PSMG1: variants seen among roughly 807,000 people sequenced by gnomAD.
PSMG1 encodes Down syndrome critical region gene 2.
A neutral mutation model predicts 37.2 loss-of-function variants in PSMG1; 23 were observed. The observed-to-expected ratio is 0.62, with a 90% confidence interval of 0.44 to 0.88. The LOEUF is 0.88. PSMG1 is among the 40% of genes least tolerant of loss of function. The pLI, the probability that PSMG1 is intolerant of heterozygous loss-of-function variation, is 0.00. For missense variants in PSMG1, 340 were observed against 344.2 expected, an observed-to-expected ratio of 0.99 and a Z score of 0.10; for synonymous variants, 127 against 128.0, an observed-to-expected ratio of 0.99 and a Z score of 0.05.
rs1396028454 is a variant in PSMG1 at position 39,177,661 on chromosome 21, A to C, written c.656-90T>G. On this transcript the variant is annotated intron_variant, in intron 5 of 6. Coordinates refer to ENST00000331573, the MANE Select transcript of PSMG1 (RefSeq NM_003720.4). ...CTTTAAATAATAAAGGCTGTTGTTA[A>C]AAGTAGTTATCTCAGCTGCCTCTTT... 3 of 1,051,928 alleles carry C rather than the reference A, an allele frequency of 2.9e-6. No individual in the cohort carries two copies. In the East Asian group the frequency reaches 9.3e-5, roughly 32 times the overall value. The allele number at this position is 1,051,928 out of a possible 1,614,324, so 65.2% of individuals were successfully genotyped here.
chr21:39,178,470 C>T lies in PSMG1; in HGVS notation c.634G>A (p.Val212Ile), dbSNP rs200756272. 50 of 1,613,586 alleles carry T rather than the reference C, an allele frequency of 3.1e-5. No homozygotes were observed. The African/African-American group carries it at 6.1e-4, about 20-fold the overall frequency. The change falls in exon 5 of 7, where the codon GTA becomes ATA. Residue 212 changes from valine (V) to isoleucine (I), a missense_variant. Coordinates refer to ENST00000331573, the MANE Select transcript of PSMG1 (RefSeq NM_003720.4). ...CCPLLEQPNI[V>I]HDLPAAVLSY... is the part of the protein sequence containing the mutation. ...CCACCTGCTGCAGGAAGGTCGTGTACTATATTCGGTTGTTCTAGCAATGGA... is the reference window on the plus strand; with the variant it reads ...CCACCTGCTGCAGGAAGGTCGTGTATTATATTCGGTTGTTCTAGCAATGGA...
Position 39,183,018 on chromosome 21 carries a change from T to G in PSMG1, c.134+234A>C, listed in dbSNP as rs545912313. On this transcript the variant is annotated intron_variant, in intron 1 of 6. Transcript: ENST00000331573. Reference sequence around the variant, plus strand: ...CAGCCCTCCCACAGCGGCTTCACCCTGGACTCCACGAAACGCCAGCAGATC... The same window carrying G: ...CAGCCCTCCCACAGCGGCTTCACCCGGGACTCCACGAAACGCCAGCAGATC... The G allele has an allele frequency of 3.1e-5, 16 of 513,200 alleles. No homozygotes were observed. The South Asian group carries it at 4.7e-4, about 15-fold the overall frequency. The allele number at this position is 513,200 out of a possible 1,614,324, so 31.8% of individuals were successfully genotyped here.
chr21:39,175,922 G>A (rs190149261), intron 6 of PSMG1, among the ~76,000 whole-genome samples: 2 of 151,860 alleles, frequency 1.3e-5, no homozygotes, highest in Admixed American at 6.6e-5. Flanking sequence ...GCTCTAACCC[G>A]CCCGACCTTC....
At chr21:39,181,389 G>T (rs924742413) in intron 2 of PSMG1, among the ~76,000 whole-genome samples, 4 of 151,806 alleles carry the variant, frequency 2.6e-5, no homozygotes, top group Non-Finnish European at 5.9e-5. Context: ...TCCCGCCTCG[G>T]CCTCCCAAAG....
chr21:39,180,861 C>A (rs760871325), intron 2 of PSMG1, among the ~76,000 whole-genome samples: 3 of 152,056 alleles, frequency 2.0e-5, no homozygotes, highest in Admixed American at 2.0e-4. Flanking sequence ...CCTGTGAACA[C>A]CCTAAAAATA....
In PSMG1 at chr21:39,175,573, C is replaced by A; in HGVS notation, c.*17G>T. 6.3e-7 allele frequency: 1 copy of A among 1,584,016 alleles called. No homozygotes were observed. Among genetic ancestry groups the A allele is most frequent in the Non-Finnish European group, 8.7e-7 (1 of 1,153,600 alleles). On this transcript the variant is annotated 3_prime_UTR_variant, in exon 7 of 7. Transcript: ENST00000331573. ...AGGAATGGACAAGTAATATACACTA[C>A]AAAACAATGTTTAAGATCATGTATA...
rs140933529 is a variant in PSMG1 at position 39,178,501 on chromosome 21, C to T, written c.603G>A (p.Ala201=). ...TCGGTTGTTCTAGCAATGGACAACACGCCGAGTCTTTGAAATTCTGTGTTT... is the reference window on the plus strand; with the variant it reads ...TCGGTTGTTCTAGCAATGGACAACATGCCGAGTCTTTGAAATTCTGTGTTT... The part of the protein sequence containing the change: ...ALKTQNFKDS[A]CCPLLEQPNI... The change falls in exon 5 of 7, where the codon GCG becomes GCA. Residue 201 remains alanine, a synonymous_variant. Transcript: ENST00000331573. 30 of 1,613,956 alleles carry T rather than the reference C, an allele frequency of 1.9e-5. No homozygotes were observed. Among genetic ancestry groups the T allele is most frequent in the East Asian group, 1.1e-4 (5 of 44,888 alleles).
At chr21:39,182,802 G>A (rs1470980750) in intron 1 of PSMG1, among the ~76,000 whole-genome samples, 2 of 152,184 alleles carry the variant, frequency 1.3e-5, no homozygotes, top group Non-Finnish European at 1.5e-5. Flanking sequence ...GAAGTGTTGG[G>A]TGCAGGTTTA....
Position 39,180,061 on chromosome 21 carries a change from T to C in PSMG1, c.394-75A>G, listed in dbSNP as rs2030770377. 4 of 1,442,476 alleles carry C rather than the reference T, an allele frequency of 2.8e-6. 1 individual carries two copies. The highest frequency in any genetic ancestry group is 4.6e-5 in the East Asian group (2 of 43,764). 89.4% of individuals were successfully genotyped at this position (1,442,476 alleles called of 1,614,324 possible). ...ACAAACTATCACCATATATGTAACA[T>C]GTGAATGACAACACTTAGGTAATAC... On this transcript the variant is annotated intron_variant, in intron 3 of 6. Transcript: ENST00000331573.
chr21:39,182,633 G>A (rs1462374308), intron 1 of PSMG1, among the ~76,000 whole-genome samples: 1 of 152,188 alleles, frequency 6.6e-6, no homozygotes, highest in East Asian at 1.9e-4. Flanking sequence ...ATTCGCTTAG[G>A]AGTGGCGGGA....
At chr21:39,175,715 G>T in intron 6 of PSMG1, 51 bp from the exon 7 acceptor site, 1 of 1,173,354 alleles carries the variant, frequency 8.5e-7, no homozygotes, top group Non-Finnish European at 1.3e-6. Context: ...GATTCAGGCA[G>T]AGGCAACACC....
chr21:39,180,193 T>A lies in PSMG1; in HGVS notation c.393+92A>T, dbSNP rs2030774030. 2.1e-6 allele frequency: 3 copies of A among 1,425,380 alleles called. No homozygotes were observed. The Admixed American group carries it at 6.8e-5, about 33-fold the overall frequency. 88.3% of individuals were successfully genotyped at this position (1,425,380 alleles called of 1,614,324 possible). On this transcript the variant is annotated intron_variant, in intron 3 of 6. Coordinates refer to ENST00000331573, the MANE Select transcript of PSMG1 (RefSeq NM_003720.4). ...AAAAAGTGCACACTGACAGAGCAAC[T>A]GAAAGATTTGCCATACTAAAGTATA...
Position 39,175,522 on chromosome 21 carries a change from A to G in PSMG1, c.*68T>C. 6.7e-7 allele frequency: 1 copy of G among 1,487,580 alleles called. No individual in the cohort carries two copies. The highest frequency in any genetic ancestry group is 9.0e-7 in the Non-Finnish European group (1 of 1,115,844). The allele number at this position is 1,487,580 out of a possible 1,614,324, so 92.1% of individuals were successfully genotyped here. ...AATATATCCCCCAAAAGTAATCTAC[A>G]AAAGAGTGCAGGCTGCTCCCCTTAA... On this transcript the variant is annotated 3_prime_UTR_variant, in exon 7 of 7. Coordinates refer to ENST00000331573, the MANE Select transcript of PSMG1 (RefSeq NM_003720.4).
chr21:39,180,028 T>A, intron 3 of PSMG1, 42 bp from the exon 4 acceptor site: 1 of 1,577,842 alleles, frequency 6.3e-7, no homozygotes, highest in Non-Finnish European at 8.7e-7. Context: ...GTAAGTTTTA[T>A]ACACACCACA....
At chr21:39,180,796 G>T (rs1425869661) in intron 2 of PSMG1, among the ~76,000 whole-genome samples, 1 of 152,058 alleles carries the variant, frequency 6.6e-6, no homozygotes, top group African/African-American at 2.4e-5. Context: ...AACCACTAGG[G>T]GTACCTTACA....
intron 4 of PSMG1, among the ~76,000 whole-genome samples, chr21:39,179,667 C>A (rs886536058): frequency 6.6e-6 from 1 of 151,676 alleles, no homozygotes; most frequent in Non-Finnish European, 1.5e-5. Context: ...CTACCATCCT[C>A]AATGCTGAGG....
chr21:39,181,683 C>A, intron 2 of PSMG1, 89 bp downstream of exon 2: 1 of 917,248 alleles, frequency 1.1e-6, no homozygotes, highest in Non-Finnish European at 1.6e-6. Context: ...TTTTAAAGTA[C>A]TAAACATTTT....
chr21:39,183,454 C>A (rs1161299019), upstream of PSMG1: 3 of 1,486,456 alleles, frequency 2.0e-6, no homozygotes, highest in Non-Finnish European at 2.7e-6. Context: ...CGCGAGACCA[C>A]GCTCCCTCAC....
In PSMG1 at chr21:39,178,504, C is replaced by A. The variant is rs375320526; in HGVS notation, c.600G>T (p.Ser200=). ...RALKTQNFKD[S]ACCPLLEQPN... is the part of the protein sequence containing the mutation. ...GTTGTTCTAGCAATGGACAACACGC[C>A]GAGTCTTTGAAATTCTGTGTTTTTA... is the stretch of plus-strand genomic sequence containing the variant. Residue 200 remains serine, a synonymous_variant, in exon 5 of 7, where the codon TCG becomes TCT. Transcript: ENST00000331573. 1.9e-6 allele frequency: 3 copies of A among 1,614,008 alleles called. No homozygotes were observed. Among genetic ancestry groups the A allele is most frequent in the Non-Finnish European group, 2.5e-6 (3 of 1,180,002 alleles).
Sources: gnomAD v4.1 joint callset for allele counts (sites outside exome capture counted in the v4.1 genomes callset) on GRCh38, gnomAD v4.1.1 for gene constraint, MANE v1.5 for transcripts, NCBI Gene and HGNC (gene_info 2026-07-23, HGNC 2026-07-21) for gene names.